MARCHF6: variants seen among roughly 807,000 people sequenced by gnomAD.
MARCHF6 encodes E3 ubiquitin-protein ligase MARCHF6.
A neutral mutation model predicts 133.7 loss-of-function variants in MARCHF6; 31 were observed. The ratio of observed to expected loss-of-function variants is 0.23; its 90% CI spans 0.17 to 0.31. The LOEUF (loss-of-function observed/expected upper bound fraction) is 0.31, where lower values mean the gene tolerates loss of function less well. MARCHF6 is among the 10% of genes least tolerant of loss of function. The probability of loss-of-function intolerance (pLI) is 1.00; values close to 1 mark genes in which losing one functional copy is unlikely to be tolerated. For synonymous variants in MARCHF6, 395 were observed against 402.5 expected, an observed-to-expected ratio of 0.98 and a Z score of 0.22; for missense variants, 723 against 1,121.6, an observed-to-expected ratio of 0.64 and a Z score of 5.08.
intron 1 of MARCHF6, among the ~76,000 whole-genome samples, chr5:10,361,632 G>A (rs1317708650): frequency 6.6e-6 from 1 of 152,182 alleles, no homozygotes; most frequent in East Asian, 1.9e-4. Flanking sequence ...ATACATGCAG[G>A]TTAGGGCTTC....
At chr5:10,359,537 CTTCT>C (rs1735684291) in intron 1 of MARCHF6, among the ~76,000 whole-genome samples, 1 of 151,802 alleles carries the variant, frequency 6.6e-6, no homozygotes, top group African/African-American at 2.4e-5. Flanking sequence ...TTTTTTGCTC[CTTCT>C]AAGCTACACA....
chr5:10,433,654 T>C lies in MARCHF6; in HGVS notation c.2703T>C (p.Ser901=). The C allele has an allele frequency of 6.2e-7, 1 of 1,614,200 alleles. No individual in the cohort carries two copies. The highest frequency in any genetic ancestry group is 8.5e-7 in the Non-Finnish European group (1 of 1,180,024). Residue 901 remains serine, a synonymous_variant, in exon 26 of 26, where the codon TCT becomes TCC. Coordinates refer to ENST00000274140, the MANE Select transcript of MARCHF6 (RefSeq NM_005885.4). The part of the protein sequence containing the change: ...YERKSGKQGS[S]PPPPQSSQE ...GGAAATCTGGCAAACAAGGCTCATC[T>C]CCACCACCTCCACAGTCATCCCAAG...
Position 10,438,939 on chromosome 5 carries a change from T to C in MARCHF6, c.*5255T>C, listed in dbSNP as rs1042186988. On this transcript the variant is annotated 3_prime_UTR_variant, in exon 26 of 26. Coordinates refer to ENST00000274140, the MANE Select transcript of MARCHF6 (RefSeq NM_005885.4). ...GTAAACACTACGTAGAGGCCCCTTT[T>C]TGCCTCATTTTACATTGTTTAGTTA... The C allele has an allele frequency of 6.6e-6, 1 of 152,220 alleles. No individual in the cohort carries two copies. Among genetic ancestry groups the C allele is most frequent in the Non-Finnish European group, 1.5e-5 (1 of 68,038 alleles). 9.4% of individuals were successfully genotyped at this position (152,220 alleles called of 1,614,324 possible).
At chr5:10,404,273 G>A (rs1738744102) in intron 15 of MARCHF6, among the ~76,000 whole-genome samples, 1 of 151,856 alleles carries the variant, frequency 6.6e-6, no homozygotes. Context: ...TCACCATGTT[G>A]GCCAGGCTGT....
intron 1 of MARCHF6, among the ~76,000 whole-genome samples, chr5:10,360,253 G>A (rs532843151): frequency 6.2e-5 from 9 of 146,158 alleles, no homozygotes; most frequent in African/African-American, 2.3e-4. Flanking sequence ...AGGTTCAAGC[G>A]ATTCTCCTGC....
At chr5:10,360,469 G>A (rs1322470091) in intron 1 of MARCHF6, among the ~76,000 whole-genome samples, 1 of 152,068 alleles carries the variant, frequency 6.6e-6, no homozygotes, top group African/African-American at 2.4e-5. Flanking sequence ...GCAGGAGGTC[G>A]GTGCCCCTAA....
At chr5:10,426,562 T>C in intron 24 of MARCHF6, 40 bp downstream of exon 24, 4 of 1,607,528 alleles carry the variant, frequency 2.5e-6, no homozygotes, top group Non-Finnish European at 3.4e-6. Context: ...GGAGCACTTT[T>C]ATTAACATTG....
At chr5:10,421,001 C>T (rs991360325) in intron 22 of MARCHF6, among the ~76,000 whole-genome samples, 9 of 152,126 alleles carry the variant, frequency 5.9e-5, no homozygotes, top group Non-Finnish European at 1.3e-4. Flanking sequence ...TACTGAGGGG[C>T]CCCAAGTTCT....
chr5:10,384,141 G>A (rs1040313538), intron 4 of MARCHF6, among the ~76,000 whole-genome samples: 2 of 152,094 alleles, frequency 1.3e-5, no homozygotes, highest in Non-Finnish European at 2.9e-5. Flanking sequence ...ACCTAACACA[G>A]AAATTAATTT....
chr5:10,382,049 T>A, intron 4 of MARCHF6, 106 bp downstream of exon 4: 1 of 1,179,666 alleles, frequency 8.5e-7, no homozygotes, highest in Non-Finnish European at 1.2e-6. Context: ...TTTAGTTATT[T>A]GATGTCAGAG....
intron 23 of MARCHF6, among the ~76,000 whole-genome samples, chr5:10,424,275 G>A (rs1364012793): frequency 6.6e-6 from 1 of 152,074 alleles, no homozygotes; most frequent in African/African-American, 2.4e-5. Flanking sequence ...TGGCAGATGC[G>A]GCTCCTTAGT....
intron 23 of MARCHF6, 132 bp downstream of exon 23, chr5:10,423,956 C>A: frequency 2.5e-6 from 1 of 403,262 alleles, no homozygotes; most frequent in Non-Finnish European, 4.3e-6. Flanking sequence ...CATATATAAC[C>A]TTTTTTTTTT....
In MARCHF6 at chr5:10,407,632, A is replaced by T. The variant is rs1211903566; in HGVS notation, c.1553+430A>T. ...TAAAAATAGGGTACAAGGCTTGTAG[A>T]TGGAACATCTTTTTTGCTTTAAAAA... On this transcript the variant is annotated intron_variant, in intron 17 of 25. Transcript: ENST00000274140. 7.2e-5 allele frequency among the ~76,000 whole-genome samples: 11 copies of T among 152,160 alleles called. 1 individual carries two copies. The highest frequency in any genetic ancestry group is 5.2e-4 in the Admixed American group (8 of 15,274).
chr5:10,373,188 G>A (rs926933966), intron 1 of MARCHF6, among the ~76,000 whole-genome samples: 1 of 152,182 alleles, frequency 6.6e-6, no homozygotes, highest in African/African-American at 2.4e-5. Flanking sequence ...GCCAAGCAGA[G>A]CCCTGGGGCT....
chr5:10,427,144 T>C (rs192084592), intron 24 of MARCHF6, among the ~76,000 whole-genome samples: 2 of 152,332 alleles, frequency 1.3e-5, no homozygotes, highest in Non-Finnish European at 1.5e-5. Context: ...CTGTCCTCCA[T>C]GTCCCTCTGG....
At chr5:10,355,769 G>C (rs745702303) in intron 1 of MARCHF6, among the ~76,000 whole-genome samples, 3 of 152,160 alleles carry the variant, frequency 2.0e-5, no homozygotes, top group African/African-American at 4.8e-5. Flanking sequence ...TAAGTAACTT[G>C]TCCAGGATAA....
intron 17 of MARCHF6, among the ~76,000 whole-genome samples, chr5:10,408,913 T>G (rs1192605392): frequency 6.6e-6 from 1 of 152,234 alleles, no homozygotes; most frequent in East Asian, 1.9e-4. Flanking sequence ...TTTACAAATA[T>G]GTATTGTTTT....
At chr5:10,427,794 A>C (rs1439954406) in intron 24 of MARCHF6, among the ~76,000 whole-genome samples, 1 of 152,152 alleles carries the variant, frequency 6.6e-6, no homozygotes, top group South Asian at 2.1e-4. Context: ...CTTCTTAGAC[A>C]GTAAAGATAT....
chr5:10,428,868 A>G (rs889493889), intron 24 of MARCHF6, among the ~76,000 whole-genome samples: 6 of 152,218 alleles, frequency 3.9e-5, no homozygotes, highest in African/African-American at 1.4e-4. Context: ...ATTTCTGGAA[A>G]GACTTTGGAA....
Sources: gnomAD v4.1 joint callset for allele counts (sites outside exome capture counted in the v4.1 genomes callset) on GRCh38, gnomAD v4.1.1 for gene constraint, MANE v1.5 for transcripts, NCBI Gene and HGNC (gene_info 2026-07-23, HGNC 2026-07-21) for gene names.